The following RUNDC3B variants were observed in gnomAD, a reference collection of about 807,000 sequenced individuals.
RUNDC3B encodes the protein RUN domain-containing protein 3B.
In RUNDC3B, 33 loss-of-function variants were observed where a neutral mutation model predicts 58.4. The observed-to-expected ratio is 0.56, with a 90% CI of 0.43 to 0.75. The LOEUF (loss-of-function observed/expected upper bound fraction) is 0.75, where lower values mean the gene tolerates loss of function less well. Among genes scored for constraint, RUNDC3B ranks in the 30% least tolerant of loss-of-function variants. The pLI, the probability that RUNDC3B is intolerant of heterozygous loss-of-function variation, is 0.00. For missense variants in RUNDC3B, 501 were observed against 535.7 expected, an observed-to-expected ratio of 0.94 and a Z score of 0.64; for synonymous variants, 193 against 195.2, an observed-to-expected ratio of 0.99 and a Z score of 0.10.
intron 4 of RUNDC3B, among the ~76,000 whole-genome samples, chr7:87,718,849 G>A (rs923018017): frequency 1.3e-5 from 2 of 151,976 alleles, no homozygotes; most frequent in Admixed American, 6.6e-5. Context: ...CTTAATAGTA[G>A]AGGTTAGCCA....
intron 5 of RUNDC3B, among the ~76,000 whole-genome samples, 175 bp downstream of exon 5, chr7:87,740,055 A>G (rs920736157): frequency 5.9e-5 from 9 of 152,138 alleles, no homozygotes; most frequent in Non-Finnish European, 1.3e-4. Flanking sequence ...TGCTCTCAGA[A>G]AAGAGACTGC....
intron 8 of RUNDC3B, among the ~76,000 whole-genome samples, chr7:87,805,338 C>T (rs145313626): frequency 6.3e-4 from 96 of 152,300 alleles, no homozygotes; most frequent in East Asian, 5.2e-3. Context: ...CTCCAGGAAC[C>T]TTTCCTCTTC....
intron 4 of RUNDC3B, 57 bp from the exon 5 acceptor site, chr7:87,739,734 C>A: frequency 1.3e-6 from 1 of 771,826 alleles, no homozygotes; most frequent in South Asian, 1.8e-5. Flanking sequence ...TGATTTCTCT[C>A]GATCAAACTT....
At chr7:87,823,891 T>C (rs1240729427) in intron 10 of RUNDC3B, among the ~76,000 whole-genome samples, 3 of 152,030 alleles carry the variant, frequency 2.0e-5, no homozygotes, top group Non-Finnish European at 1.5e-5. Flanking sequence ...TGTTGATTGA[T>C]GGGCATTTGG....
At chr7:87,821,577 C>T (rs1362458201) in intron 10 of RUNDC3B, among the ~76,000 whole-genome samples, 6 of 152,238 alleles carry the variant, frequency 3.9e-5, no homozygotes, top group East Asian at 1.9e-4. Context: ...GAGCCCGCAT[C>T]GCCAAGTCAA....
intron 1 of RUNDC3B, among the ~76,000 whole-genome samples, chr7:87,629,825 G>A (rs1821018153): frequency 6.6e-6 from 1 of 151,514 alleles, no homozygotes; most frequent in Admixed American, 6.6e-5. Context: ...ACTCGGGAGG[G>A]TGAGGCAGGA....
At chr7:87,722,084 AT>A (rs904128612) in intron 4 of RUNDC3B, among the ~76,000 whole-genome samples, 157 of 149,172 alleles carry the variant, frequency 1.1e-3, no homozygotes, top group Middle Eastern at 3.5e-3. Flanking sequence ...CTTTCCTTTA[AT>A]TTTTTTTTTA....
Position 87,745,289 on chromosome 7 carries a change from A to G in RUNDC3B, c.629+3710A>G, listed in dbSNP as rs554255641. Among the ~76,000 whole-genome samples the G allele has an allele frequency of 2.0e-5, 3 of 152,096 alleles. No homozygotes were observed. In the East Asian group the frequency reaches 5.8e-4, roughly 29 times the overall value. On this transcript the variant is annotated intron_variant, in intron 6 of 10. Transcript: ENST00000394654. The stretch of plus-strand genomic sequence containing the variant: ...AGGTCTGTAGTTTTCTTTTTTGATT[A>G]TGTCCTTTCCTGGTTTTGGTATGAG...
At chr7:87,753,085 A>G (rs1375372983) in intron 6 of RUNDC3B, among the ~76,000 whole-genome samples, 8 of 151,994 alleles carry the variant, frequency 5.3e-5, no homozygotes, top group Admixed American at 3.3e-4. Context: ...GTCTGTTCTC[A>G]TTGGTTTGAA....
At position 87,816,263 on chromosome 7, in the gene RUNDC3B, G is replaced by A; in HGVS notation, c.1225+1G>A. On this transcript the variant is annotated splice_donor_variant, in intron 10 of 10. Coordinates refer to ENST00000394654, the MANE Select transcript of RUNDC3B (RefSeq NM_001134405.2). LOFTEE classifies it high-confidence loss of function. ...GACACATTAAATGTAATGAGTGAAG[G>A]TAAGAAAACAAAGAACTATTTGAAA... is the stretch of plus-strand genomic sequence containing the variant. 1.2e-6 allele frequency: 2 copies of A among 1,606,318 alleles called. No individual in the cohort carries two copies. The highest frequency in any genetic ancestry group is 2.2e-5 in the East Asian group (1 of 44,732).
In RUNDC3B at chr7:87,816,245, TAAATGTAATGAGTGAAGGTAAGA is replaced by T; in HGVS notation, c.1212_1225+9del. ...GAAGGAGATGGAAAACAAGACACAT[TAAATGTAATGAGTGAAGGTAAGA>T]AAACAAAGAACTATTTGAAAATTAC... On this transcript the variant is annotated splice_donor_variant and splice_donor_5th_base_variant and coding_sequence_variant and intron_variant, in exon 10 of 11. Coordinates refer to ENST00000394654, the MANE Select transcript of RUNDC3B (RefSeq NM_001134405.2). LOFTEE classifies it high-confidence loss of function. 1 of 1,611,252 alleles carries T rather than the reference TAAATGTAATGAGTGAAGGTAAGA, an allele frequency of 6.2e-7. No individual in the cohort carries two copies. The highest frequency in any genetic ancestry group is 8.5e-7 in the Non-Finnish European group (1 of 1,178,090).
intron 10 of RUNDC3B, among the ~76,000 whole-genome samples, chr7:87,820,855 C>T (rs1465398519): frequency 3.3e-5 from 5 of 151,928 alleles, no homozygotes; most frequent in Non-Finnish European, 5.9e-5. Flanking sequence ...ATGCTAAAAA[C>T]TCTCAATAAA....
chr7:87,816,637 C>T (rs913736956), intron 10 of RUNDC3B, among the ~76,000 whole-genome samples: 3 of 152,200 alleles, frequency 2.0e-5, no homozygotes, highest in Non-Finnish European at 4.4e-5. Context: ...TTTGACACAA[C>T]TGACCACTTC....
chr7:87,822,364 C>T (rs575471131), intron 10 of RUNDC3B, among the ~76,000 whole-genome samples: 13 of 152,156 alleles, frequency 8.5e-5, no homozygotes, highest in Non-Finnish European at 1.6e-4. Flanking sequence ...GTTAGAATGG[C>T]GATCATTAAA....
At chr7:87,745,515 T>C (rs1322789613) in intron 6 of RUNDC3B, among the ~76,000 whole-genome samples, 4 of 144,968 alleles carry the variant, frequency 2.8e-5, no homozygotes, top group Non-Finnish European at 4.4e-5. Flanking sequence ...GTTCAGCGTA[T>C]CTAATTCTTC....
At chr7:87,677,309 A>C (rs1185007662) in intron 2 of RUNDC3B, among the ~76,000 whole-genome samples, 36 of 144,400 alleles carry the variant, frequency 2.5e-4, no homozygotes, top group African/African-American at 8.0e-4. Context: ...ACACACACAC[A>C]CCACAATGGA....
intron 1 of RUNDC3B, among the ~76,000 whole-genome samples, chr7:87,642,345 G>A (rs190573912): frequency 1.0e-3 from 152 of 151,952 alleles, no homozygotes; most frequent in African/African-American, 3.6e-3. Flanking sequence ...TGTTCTTCAC[G>A]TTGTTCTATT....
intron 2 of RUNDC3B, among the ~76,000 whole-genome samples, chr7:87,679,600 G>T (rs917829612): frequency 4.0e-5 from 6 of 149,950 alleles, no homozygotes; most frequent in African/African-American, 1.5e-4. Context: ...ATGTTGCCCT[G>T]GCTGGTCTCG....
chr7:87,628,779 G>C lies in RUNDC3B; in HGVS notation c.-45G>C, dbSNP rs1563084665. On this transcript the variant is annotated 5_prime_UTR_variant, in exon 1 of 11. Transcript: ENST00000394654. ...ACCCCCTTAAGCAGGTGTGGGGGGC[G>C]TGCGGGGTGGCACGAGACAAAAGGG... 2 of 1,157,426 alleles carry C rather than the reference G, an allele frequency of 1.7e-6. No individual in the cohort carries two copies. The highest frequency in any genetic ancestry group is 2.2e-6 in the Non-Finnish European group (2 of 906,988). 71.7% of individuals were successfully genotyped at this position (1,157,426 alleles called of 1,614,324 possible). A position where few individuals can be genotyped will look rare whatever the true frequency, so the allele number is the denominator to read the frequency against.
Sources: allele counts gnomAD v4.1 joint callset (sites outside exome capture counted in the v4.1 genomes callset), GRCh38; gene constraint gnomAD v4.1.1; transcripts MANE v1.5; gene names NCBI Gene and HGNC (gene_info 2026-07-23, HGNC 2026-07-21).